The following PALM2AKAP2 variants were observed in gnomAD, a reference collection of about 807,000 sequenced individuals.
The protein encoded by PALM2AKAP2 is PALM2 and AKAP2 fusion, also known as PALM2-AKAP2 fusion protein.
A neutral mutation model predicts 71.5 loss-of-function variants in PALM2AKAP2; 37 were observed. The ratio of observed to expected loss-of-function variants is 0.52; its 90% CI spans 0.40 to 0.68. PALM2AKAP2 has a LOEUF of 0.68. Ranked by LOEUF, PALM2AKAP2 falls within the 30% of genes least tolerant of loss-of-function variation. PALM2AKAP2 has a pLI of 0.00. For synonymous variants in PALM2AKAP2, 468 were observed against 478.8 expected (o/e 0.98, Z 0.29); for missense variants, 1,224 against 1,191.8 (o/e 1.03, Z -0.40).
At chr9:110,159,628 G>A (rs1836547075) in intron 3 of PALM2AKAP2, among the ~76,000 whole-genome samples, 1 of 152,144 alleles carries the variant, frequency 6.6e-6, no homozygotes, top group Admixed American at 6.5e-5. Context: ...CAATGGTATC[G>A]AGGAGAGTGA....
At chr9:110,049,462 G>T (rs1182587089) in intron 1 of PALM2AKAP2, among the ~76,000 whole-genome samples, 1 of 152,208 alleles carries the variant, frequency 6.6e-6, no homozygotes, top group Non-Finnish European at 1.5e-5. Context: ...TGCAGGAGGA[G>T]CCAGCAGCCT....
At chr9:109,913,955 A>ATGTTAG (rs1830629388) in intron 3 of PALM2AKAP2, among the ~76,000 whole-genome samples, 1 of 151,988 alleles carries the variant, frequency 6.6e-6, no homozygotes, top group Non-Finnish European at 1.5e-5. Flanking sequence ...ATGGGGTTTC[A>ATGTTAG]CCATGTTAGC....
In PALM2AKAP2 at chr9:109,851,638, G is replaced by A. The variant is rs7859735; in HGVS notation, c.46-15853G>A. On this transcript the variant is annotated intron_variant, in intron 1 of 9. Transcript: ENST00000302798. ...ATGCATGATAAAGACCAACCTGCCT[G>A]CATGAAGATGATGGTGCACTTCTCC... 9.6e-3 allele frequency among the ~76,000 whole-genome samples: 1,464 copies of A among 152,292 alleles called. 22 individuals are homozygous for A. The highest frequency in any genetic ancestry group is 0.034 in the African/African-American group (1,393 of 41,550).
intron 1 of PALM2AKAP2, among the ~76,000 whole-genome samples, chr9:109,670,261 C>T (rs547300091): frequency 6.6e-6 from 1 of 152,210 alleles, no homozygotes. Context: ...TGATCCTCTC[C>T]CTCCTCTTAC....
chr9:110,139,648 A>C (rs1232832143), intron 2 of PALM2AKAP2, among the ~76,000 whole-genome samples: 1 of 151,852 alleles, frequency 6.6e-6, no homozygotes, highest in Non-Finnish European at 1.5e-5. Flanking sequence ...TTATCTTGAC[A>C]CTTGGCTTCC....
intron 6 of PALM2AKAP2, chr9:109,942,723 A>G: frequency 2.5e-6 from 4 of 1,603,294 alleles, no homozygotes; most frequent in Non-Finnish European, 3.4e-6. Flanking sequence ...AGAAAGACAA[A>G]CAAACAGGAG....
chr9:110,118,766 T>C (rs1268409505), intron 1 of PALM2AKAP2, among the ~76,000 whole-genome samples: 1 of 152,182 alleles, frequency 6.6e-6, no homozygotes, highest in Non-Finnish European at 1.5e-5. Flanking sequence ...GTCCAGTGAC[T>C]CCCTTCCCCA....
At chr9:109,766,645 G>A (rs1317065057) in intron 1 of PALM2AKAP2, among the ~76,000 whole-genome samples, 2 of 152,206 alleles carry the variant, frequency 1.3e-5, no homozygotes, top group African/African-American at 4.8e-5. Context: ...CAGAAATAGT[G>A]AGTCATTTAA....
At chr9:109,712,538 C>T (rs1195353800) in intron 1 of PALM2AKAP2, among the ~76,000 whole-genome samples, 1 of 152,184 alleles carries the variant, frequency 6.6e-6, no homozygotes, top group Non-Finnish European at 1.5e-5. Context: ...TGCCTTCTGT[C>T]TTTCATGTGG....
At chr9:109,887,587 A>T (rs1829994602) in intron 3 of PALM2AKAP2, among the ~76,000 whole-genome samples, 1 of 152,106 alleles carries the variant, frequency 6.6e-6, no homozygotes, top group Non-Finnish European at 1.5e-5. Context: ...TTAATTCATT[A>T]ATTTTCTAAT....
intron 3 of PALM2AKAP2, among the ~76,000 whole-genome samples, chr9:109,922,527 G>T (rs1314474871): frequency 1.4e-5 from 2 of 144,680 alleles, no homozygotes; most frequent in African/African-American, 5.0e-5. Context: ...AAAGCTTCCA[G>T]CACAACAGAG....
chr9:110,106,434 A>G (rs1835122978), intron 1 of PALM2AKAP2, among the ~76,000 whole-genome samples: 1 of 152,084 alleles, frequency 6.6e-6, no homozygotes, highest in South Asian at 2.1e-4. Context: ...GAAGGGCCAT[A>G]CTCTTAACCA....
chr9:109,900,709 G>GT (rs1268141751), intron 3 of PALM2AKAP2, among the ~76,000 whole-genome samples: 2 of 152,198 alleles, frequency 1.3e-5, no homozygotes, highest in Admixed American at 6.5e-5. Context: ...AGCCTTTAGA[G>GT]TTTTTTAATT....
chr9:110,118,141 G>T (rs1423493259), intron 1 of PALM2AKAP2, among the ~76,000 whole-genome samples: 2 of 150,144 alleles, frequency 1.3e-5, no homozygotes, highest in Non-Finnish European at 3.0e-5. Flanking sequence ...AATTAATAGG[G>T]AACTGATCTT....
intron 1 of PALM2AKAP2, among the ~76,000 whole-genome samples, chr9:109,645,576 A>G (rs1010220434): frequency 6.6e-6 from 1 of 150,944 alleles, no homozygotes. Flanking sequence ...CAGCCATAAA[A>G]GAGAATAAAA....
At chr9:109,869,840 C>T (rs910286389) in intron 2 of PALM2AKAP2, among the ~76,000 whole-genome samples, 5 of 152,172 alleles carry the variant, frequency 3.3e-5, no homozygotes, top group South Asian at 2.1e-4. Flanking sequence ...ACCCAACACT[C>T]GCACCATGGC....
Position 109,943,347 on chromosome 9 carries a change from G to C in PALM2AKAP2, c.496+11319G>C, listed in dbSNP as rs780759634. On this transcript the variant is annotated intron_variant, in intron 6 of 9. Transcript: ENST00000302798. ...CCACAGAGCCCTCATCCCCAGAAGG[G>C]AAGGAAGAGAGCCTAGCTACAGAGC... The C allele has an allele frequency of 3.5e-5, 57 of 1,614,094 alleles. No homozygotes were observed. In the East Asian group the frequency reaches 1.3e-3, roughly 36 times the overall value.
chr9:109,927,646 C>T (rs2131975440), intron 5 of PALM2AKAP2, among the ~76,000 whole-genome samples: 1 of 152,260 alleles, frequency 6.6e-6, no homozygotes, highest in Admixed American at 6.5e-5. Context: ...TGCTGGATCA[C>T]CAGTGGCTTT....
chr9:109,924,578 C>T (rs1037405263), intron 4 of PALM2AKAP2, among the ~76,000 whole-genome samples: 2 of 152,130 alleles, frequency 1.3e-5, no homozygotes, highest in Admixed American at 6.5e-5. Context: ...CCAGCCTGGG[C>T]GACACAGCAA....
Sources: gnomAD v4.1 joint callset for allele counts (sites outside exome capture counted in the v4.1 genomes callset) on GRCh38, gnomAD v4.1.1 for gene constraint, MANE v1.5 for transcripts, NCBI Gene and HGNC (gene_info 2026-07-23, HGNC 2026-07-21) for gene names.